The following CHD6 variants were observed in gnomAD, a reference collection of about 807,000 sequenced individuals.
CHD6 encodes ATP-dependent chromatin remodeler CHD6.
CHD6 carries 50 observed loss-of-function variants against 276.9 expected under a neutral mutation model. That is an observed-to-expected ratio of 0.18 (90% CI 0.14 to 0.23). The LOEUF (loss-of-function observed/expected upper bound fraction) is 0.23. Among genes scored for constraint, CHD6 ranks in the 10% least tolerant of loss-of-function variants. The pLI, the probability that CHD6 is intolerant of heterozygous loss-of-function variation, is 1.00. For missense variants in CHD6, 2,564 were observed against 3,365.8 expected (o/e 0.76, Z 5.89); for synonymous variants, 1,173 against 1,229.3 (o/e 0.95, Z 0.96).
chr20:41,424,894 G>C (rs948014425), intron 29 of CHD6, among the ~76,000 whole-genome samples: 1 of 152,210 alleles, frequency 6.6e-6, no homozygotes. Flanking sequence ...CCATTGTGGT[G>C]TTTCTAAACC....
At chr20:41,504,788 T>C (rs2043937291) in intron 5 of CHD6, among the ~76,000 whole-genome samples, 1 of 152,218 alleles carries the variant, frequency 6.6e-6, no homozygotes, top group African/African-American at 2.4e-5. Context: ...CTGGATCACC[T>C]AGGGTCTGCT....
intron 1 of CHD6, among the ~76,000 whole-genome samples, chr20:41,583,181 CAAAT>C (rs1356180428): frequency 4.6e-5 from 7 of 152,038 alleles, no homozygotes; most frequent in Non-Finnish European, 1.0e-4. Context: ...AACAAGCACA[CAAAT>C]AAATATAATA....
chr20:41,544,580 T>C (rs1425174725), intron 2 of CHD6, among the ~76,000 whole-genome samples: 1 of 151,854 alleles, frequency 6.6e-6, no homozygotes. Context: ...ATAACATTAG[T>C]AACATGAATT....
chr20:41,608,050 C>T (rs1396134409), intron 1 of CHD6, among the ~76,000 whole-genome samples: 1 of 152,146 alleles, frequency 6.6e-6, no homozygotes, highest in African/African-American at 2.4e-5. Flanking sequence ...TAGCACCATA[C>T]CTGGCACATA....
intron 1 of CHD6, among the ~76,000 whole-genome samples, chr20:41,613,779 T>G (rs1004395691): frequency 1.3e-5 from 2 of 152,180 alleles, no homozygotes; most frequent in African/African-American, 4.8e-5. Context: ...CAGATCCGTT[T>G]GAGAATCATA....
intron 1 of CHD6, among the ~76,000 whole-genome samples, chr20:41,600,847 G>A (rs2045766215): frequency 6.6e-6 from 1 of 152,160 alleles, no homozygotes; most frequent in African/African-American, 2.4e-5. Flanking sequence ...GTTGCAGTGT[G>A]CCTACAGGTG....
intron 1 of CHD6, among the ~76,000 whole-genome samples, chr20:41,561,155 G>C (rs1362901284): frequency 2.6e-5 from 4 of 152,158 alleles, no homozygotes; most frequent in African/African-American, 9.7e-5. Context: ...GCAAACAAAT[G>C]GGTATGGCTG....
chr20:41,584,509 C>T (rs1203249935), intron 1 of CHD6, among the ~76,000 whole-genome samples: 2 of 152,142 alleles, frequency 1.3e-5, no homozygotes, highest in African/African-American at 4.8e-5. Context: ...CCTCACCCTA[C>T]AAGAGCAGAA....
At chr20:41,510,468 C>T (rs956340617) in intron 5 of CHD6, among the ~76,000 whole-genome samples, 103 of 152,222 alleles carry the variant, frequency 6.8e-4, no homozygotes, top group African/African-American at 2.3e-3. Flanking sequence ...CCCACATGGT[C>T]GCTTCTCTGA....
chr20:41,408,109 A>C (rs2046734392), intron 36 of CHD6, among the ~76,000 whole-genome samples: 1 of 152,112 alleles, frequency 6.6e-6, no homozygotes, highest in Non-Finnish European at 1.5e-5. Flanking sequence ...TAGACAAAAA[A>C]GCTTCATGAT....
At chr20:41,435,039 G>A (rs1325208892) in intron 27 of CHD6, among the ~76,000 whole-genome samples, 1 of 151,906 alleles carries the variant, frequency 6.6e-6, no homozygotes, top group Non-Finnish European at 1.5e-5. Context: ...GATTATAACA[G>A]AATCAAACTA....
intron 2 of CHD6, among the ~76,000 whole-genome samples, chr20:41,542,986 C>T (rs947788078): frequency 4.0e-5 from 6 of 151,688 alleles, no homozygotes; most frequent in African/African-American, 9.7e-5. Flanking sequence ...TGCCTGTAAT[C>T]CCAGCTACTC....
rs918062601 is a variant in CHD6 at position 41,468,830 on chromosome 20, C to T, written c.2664+4492G>A. ...AGGAGTTCAAGACCAGCCTAGGTAA[C>T]ATGTTGAAACCTCTTCTCTACAAAA... On this transcript the variant is annotated intron_variant, in intron 17 of 36. Transcript: ENST00000373233. Among the ~76,000 whole-genome samples the T allele has an allele frequency of 3.3e-5, 5 of 151,994 alleles. No homozygotes were observed. In the East Asian group the frequency reaches 9.7e-4, roughly 29 times the overall value.
chr20:41,503,921 T>C (rs922131876), intron 5 of CHD6, among the ~76,000 whole-genome samples: 7 of 151,304 alleles, frequency 4.6e-5, no homozygotes, highest in African/African-American at 1.7e-4. Context: ...CTACTAAAAA[T>C]ACAAAAATTA....
At position 41,452,147 on chromosome 20, in the gene CHD6, A is replaced by C. The variant is rs1600892813; in HGVS notation, c.3324-122T>G. The C allele has an allele frequency of 3.9e-6, 3 of 762,396 alleles. No homozygotes were observed. The East Asian group carries it at 8.0e-5, about 20-fold the overall frequency. The allele number at this position is 762,396 out of a possible 1,614,324, so 47.2% of individuals were successfully genotyped here. ...TTTGTTCTCTGTAGGTCTGTTAATC[A>C]TCCCAAGGGCTTTGTCCCGAAAGGC... On this transcript the variant is annotated intron_variant, in intron 21 of 36. Transcript: ENST00000373233. This position sits in a 1 kb window ranked among gnomAD's most constrained non-coding sequence, Gnocchi z 4.2.
intron 5 of CHD6, among the ~76,000 whole-genome samples, chr20:41,512,259 C>A (rs1045595817): frequency 3.3e-5 from 5 of 151,924 alleles, no homozygotes; most frequent in Non-Finnish European, 5.9e-5. Flanking sequence ...AGCCACAATG[C>A]CCGGCCAAGA....
chr20:41,603,327 G>A (rs1476715353), intron 1 of CHD6, among the ~76,000 whole-genome samples: 1 of 152,154 alleles, frequency 6.6e-6, no homozygotes, highest in Non-Finnish European at 1.5e-5. Flanking sequence ...GGGCAACAGA[G>A]TGAGACTCCA....
Position 41,457,348 on chromosome 20 carries a change from G to C in CHD6, c.2745C>G (p.Arg915=), listed in dbSNP as rs143434347. 1.3e-4 allele frequency: 206 copies of C among 1,614,094 alleles called. No individual in the cohort carries two copies. In the African/African-American group the frequency reaches 2.6e-3, roughly 20 times the overall value. The part of the protein sequence containing the change: ...YRLITRNSYE[R]EMFDKASLKL... The stretch of plus-strand genomic sequence containing the variant: ...TTAGGCTGGCCTTGTCAAACATCTC[G>C]CGCTCGTAGGAATTTCGAGTGATGA... The change falls in exon 18 of 37, where the codon CGC becomes CGG. Residue 915 remains arginine, a synonymous_variant. Coordinates refer to ENST00000373233, the MANE Select transcript of CHD6 (RefSeq NM_032221.5).
chr20:41,404,277 C>A lies in CHD6; in HGVS notation c.*316G>T. ...GCTTTCTTTTGCCATTTTTCCTCCT[C>A]AAGTGAGTGGGAAACTTGGAAGAGA... On this transcript the variant is annotated 3_prime_UTR_variant, in exon 37 of 37. Transcript: ENST00000373233. 1 of 1,102,826 alleles carries A rather than the reference C, an allele frequency of 9.1e-7. No homozygotes were observed. The highest frequency in any genetic ancestry group is 5.0e-5 in the Admixed American group (1 of 20,098). The allele number at this position is 1,102,826 out of a possible 1,614,324, so 68.3% of individuals were successfully genotyped here.
Sources: gnomAD v4.1 joint callset for allele counts (sites outside exome capture counted in the v4.1 genomes callset) on GRCh38, gnomAD v4.1.1 for gene constraint, Gnocchi (gnomAD v3.1) non-coding constraint, MANE v1.5 for transcripts, NCBI Gene and HGNC (gene_info 2026-07-23, HGNC 2026-07-21) for gene names.